The following PAK3 variants were observed in gnomAD, a reference collection of about 807,000 sequenced individuals.
The protein encoded by PAK3 is p21 (RAC1) activated kinase 3, also known as serine/threonine-protein kinase PAK 3.
Under a neutral mutation model 41.0 loss-of-function variants are expected in PAK3, and 4 were observed. The ratio of observed to expected loss-of-function variants is 0.10; its 90% CI spans 0.05 to 0.22. The LOEUF (loss-of-function observed/expected upper bound fraction) is 0.22, where lower values mean the gene tolerates loss of function less well. Among genes scored for constraint, PAK3 ranks in the 10% least tolerant of loss-of-function variants. PAK3 has a pLI of 1.00. For synonymous variants in PAK3, 146 were observed against 139.6 expected, an observed-to-expected ratio of 1.05 and a Z score of -0.32; for missense variants, 205 against 409.9, an observed-to-expected ratio of 0.50 and a Z score of 4.32.
intron 1 of PAK3, among the ~76,000 whole-genome samples, chrX:111,042,852 G>GT (rs2092464528): frequency 8.9e-6 from 1 of 112,195 alleles, no homozygotes; most frequent in African/African-American, 3.2e-5. Flanking sequence ...GGCTGCATCT[G>GT]TTTTATGTCC....
chrX:111,027,867 C>T (rs765291344), intron 1 of PAK3, among the ~76,000 whole-genome samples: 3 of 109,372 alleles, frequency 2.7e-5, no homozygotes, highest in African/African-American at 1.0e-4. Flanking sequence ...TACTTTCATA[C>T]ACATGTTTAT....
intron 1 of PAK3, among the ~76,000 whole-genome samples, chrX:110,979,366 T>A (rs999159683): frequency 1.0e-5 from 1 of 96,209 alleles, no homozygotes; most frequent in Non-Finnish European, 2.0e-5. Flanking sequence ...TGGCGCCATC[T>A]CTGCCCACTG....
intron 16 of PAK3, among the ~76,000 whole-genome samples, chrX:111,205,662 G>C (rs2094738004): frequency 9.0e-6 from 1 of 111,391 alleles, no homozygotes; most frequent in Non-Finnish European, 1.9e-5. Flanking sequence ...GAACACTGCA[G>C]TAATAAAGCT....
intron 1 of PAK3, among the ~76,000 whole-genome samples, chrX:111,029,690 C>T (rs1011930394): frequency 8.9e-6 from 1 of 111,974 alleles, no homozygotes; most frequent in African/African-American, 3.2e-5. Flanking sequence ...ACATATCAAG[C>T]AATCAACTTT....
chrX:110,971,935 C>A (rs1275585923), intron 1 of PAK3, among the ~76,000 whole-genome samples: 5 of 111,303 alleles, frequency 4.5e-5, no homozygotes, highest in Non-Finnish European at 9.4e-5. Context: ...AAAGATTATT[C>A]TTTTCCTAAT....
chrX:110,951,584 T>C (rs996398038), intron 1 of PAK3, among the ~76,000 whole-genome samples: 10 of 112,274 alleles, frequency 8.9e-5, no homozygotes, highest in Non-Finnish European at 1.7e-4. Flanking sequence ...ATTCAGGTTT[T>C]GGCTCTTAAA....
intron 4 of PAK3, among the ~76,000 whole-genome samples, chrX:111,119,075 G>A (rs1285633430): frequency 9.0e-6 from 1 of 111,065 alleles, no homozygotes; most frequent in Non-Finnish European, 1.9e-5. Context: ...TGTGGGGAGT[G>A]GGGAGAAAGG....
chrX:111,113,985 A>G (rs1389925722), intron 4 of PAK3, among the ~76,000 whole-genome samples: 1 of 112,196 alleles, frequency 8.9e-6, no homozygotes, highest in East Asian at 2.8e-4. Flanking sequence ...ATAGTATTCC[A>G]TGGTGTATAT....
chrX:111,133,380 A>G (rs2093746208), intron 5 of PAK3, among the ~76,000 whole-genome samples: 1 of 111,782 alleles, frequency 8.9e-6, no homozygotes, highest in Non-Finnish European at 1.9e-5. Context: ...CTGACTGTCC[A>G]CCACAGATTT....
intron 1 of PAK3, among the ~76,000 whole-genome samples, chrX:111,000,751 G>T (rs145594084): frequency 0.023 from 2,603 of 111,986 alleles, 24 homozygotes; most frequent in Non-Finnish European, 0.035. Context: ...TTCCTGTAAA[G>T]TCTAAAATTA....
intron 1 of PAK3, among the ~76,000 whole-genome samples, chrX:111,003,607 T>C (rs1306282573): frequency 1.8e-5 from 2 of 111,210 alleles, no homozygotes; most frequent in Non-Finnish European, 3.8e-5. Context: ...GTAACTACCA[T>C]TACAAAAAGT....
intron 7 of PAK3, among the ~76,000 whole-genome samples, chrX:111,151,086 T>C (rs1283814129): frequency 8.9e-6 from 1 of 111,757 alleles, no homozygotes; most frequent in Admixed American, 9.5e-5. Flanking sequence ...AAGAAAGCCA[T>C]CAAGGGAAAC....
intron 10 of PAK3, among the ~76,000 whole-genome samples, chrX:111,168,677 G>A (rs1346401193): frequency 9.0e-6 from 1 of 111,592 alleles, no homozygotes; most frequent in East Asian, 2.8e-4. Flanking sequence ...TGGAAATAAA[G>A]GTTGAATAAT....
chrX:111,096,940 TA>T lies in PAK3; in HGVS notation c.-352-447del, dbSNP rs762064271. Among the ~76,000 whole-genome samples the T allele has an allele frequency of 9.4e-3, 1,010 of 107,232 alleles. 3 individuals are homozygous for T. Among genetic ancestry groups the T allele is most frequent in the Middle Eastern group, 0.029 (6 of 205 alleles). 93.1% of individuals were successfully genotyped at this position (107,232 alleles called of 115,157 possible). On this transcript the variant is annotated intron_variant, in intron 1 of 17. Transcript: ENST00000372007. ...GAAAGAGAAAAAGTGACGATTTTCT[TA>T]AACGGGCGCCTTCCCCTCTTTCTTT...
Position 111,220,944 on chromosome X carries a change from G to GCAAAAAAAAAAAAAAAAAAAA in PAK3, c.*515_*516insAAACAAAAAAAAAAAAAAAAA, listed in dbSNP as rs2094923264. The GCAAAAAAAAAAAAAAAAAAAA allele has an allele frequency of 5.9e-5, 1 of 16,931 alleles. No homozygotes were observed. Among genetic ancestry groups the GCAAAAAAAAAAAAAAAAAAAA allele is most frequent in the Admixed American group, 8.0e-4 (1 of 1,248 alleles). The allele number at this position is 16,931 out of a possible 1,213,427, so 1.4% of individuals were successfully genotyped here. A position where few individuals can be genotyped will look rare whatever the true frequency, so the allele number is the denominator to read the frequency against. On this transcript the variant is annotated 3_prime_UTR_variant, in exon 18 of 18. Coordinates refer to ENST00000372007, the MANE Select transcript of PAK3 (RefSeq NM_002578.5). ...AAAAAAAGAAAGCAAAAAAAGCAAG[G>GCAAAAAAAAAAAAAAAAAAAA]CAAAAAAAAAAAAAAAAACAAACAA...
chrX:111,059,609 C>T (rs1221210989), intron 1 of PAK3, among the ~76,000 whole-genome samples: 2 of 109,583 alleles, frequency 1.8e-5, no homozygotes, highest in Non-Finnish European at 3.8e-5. Context: ...TCTTTAATTT[C>T]TTCCAACAAC....
chrX:111,142,598 C>A (rs748131311), intron 6 of PAK3, among the ~76,000 whole-genome samples: 1 of 111,765 alleles, frequency 8.9e-6, no homozygotes, highest in Non-Finnish European at 1.9e-5. Flanking sequence ...CCTAGAATAC[C>A]CAGATCAGCT....
intron 1 of PAK3, among the ~76,000 whole-genome samples, chrX:111,008,358 G>A (rs1325914640): frequency 8.9e-6 from 1 of 112,483 alleles, no homozygotes; most frequent in Non-Finnish European, 1.9e-5. Flanking sequence ...TATCATAATT[G>A]TTGTGGTTAT....
intron 4 of PAK3, among the ~76,000 whole-genome samples, chrX:111,110,321 C>T (rs1012210521): frequency 1.8e-5 from 2 of 111,749 alleles, no homozygotes; most frequent in South Asian, 3.7e-4. Context: ...CCTAATGTCA[C>T]GCAGCTTGTG....
Sources: gnomAD v4.1 joint callset for allele counts (sites outside exome capture counted in the v4.1 genomes callset) on GRCh38, gnomAD v4.1.1 for gene constraint, MANE v1.5 for transcripts, NCBI Gene and HGNC (gene_info 2026-07-23, HGNC 2026-07-21) for gene names.